Variants in SCFD2 observed in about 807,000 individuals in gnomAD.
SCFD2 encodes sec1 family domain-containing protein 2.
Under a neutral mutation model 58.9 loss-of-function variants are expected in SCFD2, and 54 were observed. The ratio of observed to expected loss-of-function variants is 0.92; its 90% CI spans 0.74 to 1.15. The LOEUF is 1.15. Among genes scored for constraint, SCFD2 ranks in the 50% most tolerant of loss-of-function variants. The probability of loss-of-function intolerance (pLI) is 0.00; values close to 1 mark genes in which losing one functional copy is unlikely to be tolerated. For synonymous variants in SCFD2, 321 were observed against 335.9 expected (o/e 0.96, Z 0.49); for missense variants, 805 against 836.6 (o/e 0.96, Z 0.47).
intron 4 of SCFD2, among the ~76,000 whole-genome samples, chr4:53,191,461 C>T (rs571029295): frequency 6.6e-6 from 1 of 152,100 alleles, no homozygotes; most frequent in Non-Finnish European, 1.5e-5. Context: ...GGCTGGAGTG[C>T]AGTGGCACGA....
chr4:52,902,253 C>G (rs1220443861), intron 7 of SCFD2, among the ~76,000 whole-genome samples: 1 of 152,156 alleles, frequency 6.6e-6, no homozygotes, highest in Non-Finnish European at 1.5e-5. Flanking sequence ...ACAGTTTGCC[C>G]CAGAAGGACA....
In SCFD2 at chr4:52,894,394, A is replaced by T. The variant is rs544484300; in HGVS notation, c.1843-8528T>A. 5.3e-5 allele frequency among the ~76,000 whole-genome samples: 8 copies of T among 152,358 alleles called. No homozygotes were observed. The South Asian group carries it at 1.4e-3, about 28-fold the overall frequency. ...AAGCTGAGGTCCAAACATATGGAGT[A>T]GATAGAAAATAAATTATTTTCAGGA... On this transcript the variant is annotated intron_variant, in intron 7 of 8. Coordinates refer to ENST00000401642, the MANE Select transcript of SCFD2 (RefSeq NM_152540.4).
intron 4 of SCFD2, among the ~76,000 whole-genome samples, chr4:53,208,595 G>T (rs1172713805): frequency 6.6e-6 from 1 of 152,140 alleles, no homozygotes; most frequent in Admixed American, 6.6e-5. Context: ...CTGACTCCTA[G>T]TCGTGTGTGT....
chr4:53,325,843 G>T (rs1334636103), intron 2 of SCFD2, among the ~76,000 whole-genome samples: 1 of 152,092 alleles, frequency 6.6e-6, no homozygotes, highest in East Asian at 1.9e-4. Context: ...AAGCCACTTT[G>T]TCCAGTTTTT....
intron 3 of SCFD2, among the ~76,000 whole-genome samples, chr4:53,301,010 A>T (rs1020586562): frequency 6.6e-6 from 1 of 152,220 alleles, no homozygotes; most frequent in African/African-American, 2.4e-5. Flanking sequence ...AAGATCTAAA[A>T]TTGACACTCT....
intron 5 of SCFD2, among the ~76,000 whole-genome samples, chr4:53,013,275 CTA>C (rs2148809020): frequency 6.6e-6 from 1 of 152,302 alleles, no homozygotes; most frequent in African/African-American, 2.4e-5. Context: ...GTAAATACAG[CTA>C]TGTTAGTTTC....
At chr4:53,134,660 A>T (rs569857856) in intron 5 of SCFD2, among the ~76,000 whole-genome samples, 11 of 152,256 alleles carry the variant, frequency 7.2e-5, no homozygotes, top group Non-Finnish European at 1.5e-4. Flanking sequence ...TTAAATAGCA[A>T]AGGAAGCACA....
chr4:53,321,501 G>A, intron 2 of SCFD2, among the ~76,000 whole-genome samples: 1 of 152,060 alleles, frequency 6.6e-6, no homozygotes, highest in East Asian at 1.9e-4. Flanking sequence ...GCATGCACAG[G>A]AAGTTAAGCT....
chr4:53,276,144 CTTTAT>C (rs924019643), intron 3 of SCFD2, among the ~76,000 whole-genome samples: 14 of 151,692 alleles, frequency 9.2e-5, no homozygotes, highest in Non-Finnish European at 1.3e-4. Flanking sequence ...AATTCTTAAG[CTTTAT>C]TTTATCACTC....
Position 53,273,965 on chromosome 4 carries a change from T to C in SCFD2, c.1172A>G (p.Gln391Arg). The part of the protein sequence containing the change: ...VTPGQLMSYI[Q>R]LFKNNLKALM... ...AGCTTTGAGGTTGTTCTTGAAGAGC[T>C]GAATATAGGACATGAGCTGTCCCGG... Residue 391 changes from glutamine (Q) to arginine (R), a missense_variant, in exon 4 of 9, where the codon CAG becomes CGG. By Grantham distance (43) the Gln-to-Arg change is conservative. This residue lies in a region of SCFD2 where 633 missense variants were observed against 646.8 expected (regional missense o/e 0.98). Transcript: ENST00000401642. 1 of 1,613,416 alleles carries C rather than the reference T, an allele frequency of 6.2e-7. No individual in the cohort carries two copies. Among genetic ancestry groups the C allele is most frequent in the South Asian group, 1.1e-5 (1 of 90,868 alleles).
intron 1 of SCFD2, among the ~76,000 whole-genome samples, chr4:53,363,631 C>T (rs1734611167): frequency 6.6e-6 from 1 of 151,834 alleles, no homozygotes; most frequent in African/African-American, 2.4e-5. Flanking sequence ...GTCAGGAGAT[C>T]GAGACCACGG....
chr4:53,178,242 C>T (rs959063191), intron 4 of SCFD2, among the ~76,000 whole-genome samples: 59 of 152,284 alleles, frequency 3.9e-4, no homozygotes, highest in African/African-American at 1.4e-3. Flanking sequence ...AACTGGGAGG[C>T]ACCCCTCAGT....
chr4:53,272,464 A>G (rs1731201815), intron 4 of SCFD2, among the ~76,000 whole-genome samples: 1 of 152,322 alleles, frequency 6.6e-6, no homozygotes, highest in African/African-American at 2.4e-5. Context: ...ATGTCCAACA[A>G]TGATAGACTG....
intron 7 of SCFD2, among the ~76,000 whole-genome samples, chr4:52,900,592 A>T (rs1719164311): frequency 6.6e-6 from 1 of 152,124 alleles, no homozygotes; most frequent in African/African-American, 2.4e-5. Flanking sequence ...GGGGTCAGGG[A>T]CCCACTTGAG....
At chr4:52,939,568 C>T (rs536035884) in intron 5 of SCFD2, among the ~76,000 whole-genome samples, 7 of 152,156 alleles carry the variant, frequency 4.6e-5, no homozygotes, top group African/African-American at 1.2e-4. Context: ...CATTGTGCTA[C>T]GAATCTCAGA....
At chr4:53,217,151 T>G (rs1318021703) in intron 4 of SCFD2, among the ~76,000 whole-genome samples, 25 of 152,160 alleles carry the variant, frequency 1.6e-4, no homozygotes, top group Non-Finnish European at 2.8e-4. Context: ...TTCTGTAGAT[T>G]TCTATTAGGT....
intron 4 of SCFD2, among the ~76,000 whole-genome samples, chr4:53,255,942 G>T (rs570687136): frequency 6.9e-6 from 1 of 144,452 alleles, no homozygotes; most frequent in Non-Finnish European, 1.5e-5. Context: ...CTCACCTCCC[G>T]GATGGGGTGG....
At chr4:52,963,416 C>T (rs2109543095) in intron 5 of SCFD2, among the ~76,000 whole-genome samples, 1 of 152,294 alleles carries the variant, frequency 6.6e-6, no homozygotes, top group Middle Eastern at 3.4e-3. Context: ...GCTGTAAGGT[C>T]CTTGGACTGT....
At chr4:53,305,113 G>A (rs2149103458) in intron 3 of SCFD2, among the ~76,000 whole-genome samples, 1 of 151,964 alleles carries the variant, frequency 6.6e-6, no homozygotes, top group East Asian at 1.9e-4. Flanking sequence ...CCATGTTGTG[G>A]CAAATGGATA....
Sources: gnomAD v4.1 joint callset for allele counts (sites outside exome capture counted in the v4.1 genomes callset) on GRCh38, gnomAD v4.1.1 for gene constraint, gnomAD v4.1.1 regional missense constraint, MANE v1.5 for transcripts, NCBI Gene and HGNC (gene_info 2026-07-23, HGNC 2026-07-21) for gene names.